Variants in CNTNAP2 observed in about 807,000 individuals in gnomAD.
CNTNAP2 encodes contactin associated protein 2.
CNTNAP2 carries 98 observed loss-of-function variants against 155.2 expected under a neutral mutation model. That is an observed-to-expected ratio of 0.63 (90% CI 0.54 to 0.75). The LOEUF (loss-of-function observed/expected upper bound fraction) is 0.75, where lower values mean the gene tolerates loss of function less well. Ranked by LOEUF, CNTNAP2 falls within the 30% of genes least tolerant of loss-of-function variation. The probability of loss-of-function intolerance (pLI) is 0.00; values close to 1 mark genes in which losing one functional copy is unlikely to be tolerated. For missense variants in CNTNAP2, 1,727 were observed against 1,688.1 expected (o/e 1.02, Z -0.40); for synonymous variants, 651 against 631.2 (o/e 1.03, Z -0.47).
chr7:147,950,603 G>A (rs1429710607), intron 14 of CNTNAP2, among the ~76,000 whole-genome samples: 1 of 152,128 alleles, frequency 6.6e-6, no homozygotes, highest in Non-Finnish European at 1.5e-5. Flanking sequence ...AAACAGACTG[G>A]CACCCCAGCC....
chr7:147,262,930 A>G (rs1364302187), intron 8 of CNTNAP2, among the ~76,000 whole-genome samples: 1 of 152,164 alleles, frequency 6.6e-6, no homozygotes. Flanking sequence ...ATAAATATCT[A>G]TTGCTTAAGC....
chr7:146,489,813 C>A (rs967280364), intron 1 of CNTNAP2, among the ~76,000 whole-genome samples: 1 of 146,178 alleles, frequency 6.8e-6, no homozygotes, highest in African/African-American at 2.7e-5. Context: ...CCCCTGAAGT[C>A]GGGTGGTTTC....
intron 3 of CNTNAP2, among the ~76,000 whole-genome samples, chr7:146,979,361 CT>C (rs1797972330): frequency 1.3e-5 from 2 of 152,150 alleles, no homozygotes; most frequent in Non-Finnish European, 2.9e-5. Context: ...TCCTAGAATA[CT>C]ACTCCCTCCA....
chr7:146,219,390 G>C (rs886621793), intron 1 of CNTNAP2, among the ~76,000 whole-genome samples: 1 of 152,146 alleles, frequency 6.6e-6, no homozygotes, highest in Non-Finnish European at 1.5e-5. Context: ...AATGCTGTTT[G>C]TAAAAAGCAT....
chr7:146,625,059 T>G (rs1011752247), intron 1 of CNTNAP2, among the ~76,000 whole-genome samples: 1 of 152,026 alleles, frequency 6.6e-6, no homozygotes, highest in African/African-American at 2.4e-5. Context: ...AATTAGGTTT[T>G]CAAGTGCATT....
rs570403834 is a variant in CNTNAP2, at chr7:146,298,531, TCTGAGAAG to T, written c.97+181564_97+181571del. On this transcript the variant is annotated intron_variant, in intron 1 of 23. Transcript: ENST00000361727. ...GTCTCAAGGCAATTTTGCCTAAATT[TCTGAGAAG>T]CTGAGGGTCATGAGGTTGCAAAGCC... Among the ~76,000 whole-genome samples the T allele has an allele frequency of 1.8e-3, 276 of 152,298 alleles. 3 individuals carry two copies. Among genetic ancestry groups the T allele is most frequent in the African/African-American group, 6.2e-3 (257 of 41,576 alleles).
chr7:147,899,739 G>T (rs1368436030), intron 13 of CNTNAP2, among the ~76,000 whole-genome samples: 3 of 151,946 alleles, frequency 2.0e-5, no homozygotes, highest in African/African-American at 4.8e-5. Context: ...ACAAAAATTA[G>T]CTGGGTGTGG....
intron 11 of CNTNAP2, among the ~76,000 whole-genome samples, chr7:147,559,224 G>A (rs1269269365): frequency 5.9e-5 from 9 of 152,154 alleles, no homozygotes; most frequent in Admixed American, 5.2e-4. Flanking sequence ...AAAGTGGCTG[G>A]TAGTATATTG....
At chr7:147,018,588 T>C (rs555292443) in intron 3 of CNTNAP2, among the ~76,000 whole-genome samples, 2 of 152,200 alleles carry the variant, frequency 1.3e-5, no homozygotes, top group East Asian at 3.9e-4. Context: ...ATAGACAAAC[T>C]GAAATTGTAT....
At chr7:147,631,888 A>G (rs1474670034) in intron 12 of CNTNAP2, among the ~76,000 whole-genome samples, 1 of 152,206 alleles carries the variant, frequency 6.6e-6, no homozygotes, top group Non-Finnish European at 1.5e-5. Context: ...TCTAGAAAAT[A>G]ACATCAGGAA....
chr7:146,515,055 G>A (rs1446134193), intron 1 of CNTNAP2, among the ~76,000 whole-genome samples: 1 of 152,044 alleles, frequency 6.6e-6, no homozygotes, highest in Non-Finnish European at 1.5e-5. Context: ...ATGGGTTCAT[G>A]CCAAGAGGAT....
chr7:147,557,523 A>G (rs892346926), intron 11 of CNTNAP2, among the ~76,000 whole-genome samples: 5 of 152,130 alleles, frequency 3.3e-5, no homozygotes, highest in South Asian at 2.1e-4. Context: ...GCAAAACTCA[A>G]TTATCGACAA....
chr7:146,245,074 G>C (rs944890112), intron 1 of CNTNAP2, among the ~76,000 whole-genome samples: 47 of 152,266 alleles, frequency 3.1e-4, no homozygotes, highest in Middle Eastern at 3.4e-3. Flanking sequence ...CTAGTGGCTT[G>C]TACTATAGCA....
At chr7:147,323,349 G>A (rs1317584828) in intron 9 of CNTNAP2, among the ~76,000 whole-genome samples, 1 of 124,326 alleles carries the variant, frequency 8.0e-6, no homozygotes, top group African/African-American at 3.2e-5. Flanking sequence ...TAGTCATTCA[G>A]GAGCAGGTTG....
chr7:146,528,282 C>T (rs1407862472), intron 1 of CNTNAP2, among the ~76,000 whole-genome samples: 1 of 152,118 alleles, frequency 6.6e-6, no homozygotes, highest in Non-Finnish European at 1.5e-5. Flanking sequence ...AAAATGTGAG[C>T]TCTGGAGGAA....
intron 2 of CNTNAP2, among the ~76,000 whole-genome samples, chr7:146,803,430 C>A (rs1802915119): frequency 6.6e-6 from 1 of 152,132 alleles, no homozygotes; most frequent in Non-Finnish European, 1.5e-5. Flanking sequence ...AAAGAACAAT[C>A]CCCTAGTGCA....
intron 14 of CNTNAP2, among the ~76,000 whole-genome samples, chr7:147,912,070 G>C (rs1363898462): frequency 4.6e-5 from 7 of 152,054 alleles, no homozygotes; most frequent in Admixed American, 4.6e-4. Flanking sequence ...TCAAATCCTA[G>C]TCCTATTGCT....
At chr7:146,933,507 C>G (rs945364748) in intron 3 of CNTNAP2, among the ~76,000 whole-genome samples, 2 of 151,012 alleles carry the variant, frequency 1.3e-5, no homozygotes, top group South Asian at 4.2e-4. Flanking sequence ...CTAGGCATTA[C>G]CATTCAGGAC....
intron 9 of CNTNAP2, among the ~76,000 whole-genome samples, chr7:147,332,224 T>C (rs980276664): frequency 3.1e-4 from 47 of 152,170 alleles, no homozygotes; most frequent in African/African-American, 1.1e-3. Flanking sequence ...TTCAACTATA[T>C]GTACTATGAT....
Sources: allele counts gnomAD v4.1 joint callset (sites outside exome capture counted in the v4.1 genomes callset), GRCh38; gene constraint gnomAD v4.1.1; transcripts MANE v1.5; gene names NCBI Gene and HGNC (gene_info 2026-07-23, HGNC 2026-07-21).